The following PRDM16 variants were observed in gnomAD, a reference collection of about 807,000 sequenced individuals.
PRDM16 encodes PR/SET domain 16.
A neutral mutation model predicts 110.6 loss-of-function variants in PRDM16; 23 were observed. The ratio of observed to expected loss-of-function variants is 0.21; its 90% confidence interval spans 0.15 to 0.29. PRDM16 has a LOEUF of 0.29. Ranked by LOEUF, PRDM16 falls within the 10% of genes least tolerant of loss-of-function variation. The probability of loss-of-function intolerance (pLI) is 1.00; values close to 1 mark genes in which losing one functional copy is unlikely to be tolerated. For synonymous variants in PRDM16, 799 were observed against 781.8 expected, an observed-to-expected ratio of 1.02 and a Z score of -0.37; for missense variants, 1,615 against 1,794.3, an observed-to-expected ratio of 0.90 and a Z score of 1.81.
At chr1:3,285,951 A>G (rs970704943) in intron 3 of PRDM16, among the ~76,000 whole-genome samples, 4 of 152,258 alleles carry the variant, frequency 2.6e-5, no homozygotes, top group Non-Finnish European at 5.9e-5. Context: ...GCGGCGTGAC[A>G]CAAGGAAAAA....
At chr1:3,276,659 C>G (rs1640589283) in intron 3 of PRDM16, among the ~76,000 whole-genome samples, 1 of 1,894 alleles carries the variant, frequency 5.3e-4, no homozygotes, top group Non-Finnish European at 1.3e-3. Context: ...TCGTCGGCCC[C>G]AGCCAGCTCG....
chr1:3,276,456 G>T (rs1640584686), intron 3 of PRDM16, among the ~76,000 whole-genome samples: 1 of 152,268 alleles, frequency 6.6e-6, no homozygotes, highest in Admixed American at 6.5e-5. Flanking sequence ...AGCTGCCTCT[G>T]CTGTGGGAGC....
intron 3 of PRDM16, among the ~76,000 whole-genome samples, chr1:3,364,697 G>A (rs1269094387): frequency 2.6e-5 from 4 of 152,238 alleles, no homozygotes; most frequent in East Asian, 1.9e-4. Context: ...ACTCAGCTGC[G>A]CGGGGGACAG....
intron 1 of PRDM16, among the ~76,000 whole-genome samples, chr1:3,094,139 G>T (rs734373): frequency 0.34 from 51,408 of 151,988 alleles, 8,974 homozygotes; most frequent in East Asian, 0.52. Context: ...AGGGCAAGAG[G>T]CGGGCGGGGC....
intron 3 of PRDM16, among the ~76,000 whole-genome samples, chr1:3,380,620 C>T (rs1446129906): frequency 6.6e-6 from 1 of 152,160 alleles, no homozygotes; most frequent in Non-Finnish European, 1.5e-5. Context: ...AACACTGTCC[C>T]ATGTGGGTGA....
At chr1:3,250,857 G>C (rs914874407) in intron 3 of PRDM16, among the ~76,000 whole-genome samples, 6 of 152,218 alleles carry the variant, frequency 3.9e-5, no homozygotes, top group Non-Finnish European at 7.3e-5. Flanking sequence ...GGAAGCCTGC[G>C]AGGGTACAGC....
chr1:3,186,892 G>T (rs1454535285), intron 2 of PRDM16, among the ~76,000 whole-genome samples: 1 of 152,192 alleles, frequency 6.6e-6, no homozygotes, highest in Non-Finnish European at 1.5e-5. Context: ...CACACCTGGT[G>T]GCCACGCTGC....
chr1:3,328,852 A>G (rs569271583), intron 3 of PRDM16, among the ~76,000 whole-genome samples: 5 of 152,256 alleles, frequency 3.3e-5, no homozygotes, highest in South Asian at 4.1e-4. Context: ...GTAAAAGGTG[A>G]GACACAGAAG....
At chr1:3,187,640 C>G (rs1457197875) in intron 2 of PRDM16, among the ~76,000 whole-genome samples, 1 of 152,160 alleles carries the variant, frequency 6.6e-6, no homozygotes, top group East Asian at 1.9e-4. Flanking sequence ...GGCCTGGGGA[C>G]CAGAGGCTGC....
chr1:3,347,470 C>T (rs996171871), intron 3 of PRDM16, among the ~76,000 whole-genome samples: 4 of 152,184 alleles, frequency 2.6e-5, no homozygotes, highest in African/African-American at 2.4e-5. Context: ...TGGAAGGCCC[C>T]GCCCTCCTGC....
At chr1:3,351,649 T>C (rs201388756) in intron 3 of PRDM16, among the ~76,000 whole-genome samples, 1 of 1,822 alleles carries the variant, frequency 5.5e-4, no homozygotes, top group Non-Finnish European at 9.6e-4. Context: ...TCTCCATCTC[T>C]CTCTCTCCCC....
chr1:3,269,999 C>A (rs1640400345), intron 3 of PRDM16, among the ~76,000 whole-genome samples: 1 of 139,926 alleles, frequency 7.1e-6, no homozygotes, highest in Non-Finnish European at 1.5e-5. Flanking sequence ...GTCAGGGGAG[C>A]ATAGTCCCAG....
chr1:3,317,066 A>T (rs192494479), intron 3 of PRDM16, among the ~76,000 whole-genome samples: 2 of 152,316 alleles, frequency 1.3e-5, no homozygotes, highest in East Asian at 3.9e-4. Context: ...GCCAGAAAAC[A>T]TTGACACAGT....
chr1:3,077,139 T>C (rs1361483931), intron 1 of PRDM16, among the ~76,000 whole-genome samples: 1 of 152,224 alleles, frequency 6.6e-6, no homozygotes, highest in African/African-American at 2.4e-5. Flanking sequence ...TTTCCCACTT[T>C]AGAAGAATAA....
At chr1:3,095,810 C>T (rs4648362) in intron 1 of PRDM16, among the ~76,000 whole-genome samples, 2 of 151,830 alleles carry the variant, frequency 1.3e-5, no homozygotes, top group African/African-American at 4.8e-5. Context: ...CTTGGAATGC[C>T]CTGGGGGCTG....
At chr1:3,383,531 G>A (rs1251575483) in intron 3 of PRDM16, among the ~76,000 whole-genome samples, 2 of 152,128 alleles carry the variant, frequency 1.3e-5, no homozygotes, top group African/African-American at 4.8e-5. Flanking sequence ...CAGAGACCGG[G>A]GCACGTGGAC....
intron 3 of PRDM16, among the ~76,000 whole-genome samples, chr1:3,334,050 G>T (rs1002312308): frequency 6.6e-6 from 1 of 152,202 alleles, no homozygotes; most frequent in Non-Finnish European, 1.5e-5. Flanking sequence ...CATAACACAC[G>T]TAAAGTGCAG....
intron 4 of PRDM16, among the ~76,000 whole-genome samples, chr1:3,393,607 C>G (rs1039794695): frequency 6.6e-6 from 1 of 152,188 alleles, no homozygotes; most frequent in South Asian, 2.1e-4. Flanking sequence ...GTTCCCACCG[C>G]GGCCGGCCCG....
In PRDM16 at chr1:3,273,715, C is replaced by A. The variant is rs1018372683; in HGVS notation, c.438+29578C>A. On this transcript the variant is annotated intron_variant, in intron 3 of 16. Coordinates refer to ENST00000270722, the MANE Select transcript of PRDM16 (RefSeq NM_022114.4). The stretch of plus-strand genomic sequence containing the variant: ...TGGCAGGTGTGTGTGCATGGGTGAG[C>A]ATGTAAGCACATGTGTGTGCATGGA... 2.7e-5 allele frequency among the ~76,000 whole-genome samples: 4 copies of A among 150,842 alleles called. No homozygotes were observed. In the South Asian group the frequency reaches 6.3e-4, roughly 24 times the overall value.
Sources: gnomAD v4.1 joint callset for allele counts (sites outside exome capture counted in the v4.1 genomes callset) on GRCh38, gnomAD v4.1.1 for gene constraint, MANE v1.5 for transcripts, NCBI Gene and HGNC (gene_info 2026-07-23, HGNC 2026-07-21) for gene names.